The following RAMACL variants were observed in gnomAD, a reference collection of about 807,000 sequenced individuals.
RAMACL encodes the protein RNA guanine-N7 methyltransferase-activating subunit-like protein.
RAMACL carries 9 observed loss-of-function variants against 13.4 expected under a neutral mutation model. The observed-to-expected ratio is 0.67, with a 90% CI of 0.41 to 1.17. The LOEUF (loss-of-function observed/expected upper bound fraction) is 1.17, where lower values mean the gene tolerates loss of function less well. RAMACL is among the 50% of genes most tolerant of loss of function. The pLI, the probability that RAMACL is intolerant of heterozygous loss-of-function variation, is 0.01. For synonymous variants in RAMACL, 39 were observed against 49.3 expected (o/e 0.79, Z 0.88); for missense variants, 124 against 141.6 (o/e 0.88, Z 0.63).
chr6:166,583,409 T>C (rs531628743), downstream of RAMACL, among the ~76,000 whole-genome samples: 9 of 152,296 alleles, frequency 5.9e-5, no homozygotes, highest in East Asian at 1.7e-3. Flanking sequence ...GGTGATTAAA[T>C]TGTTGAGCAA....
chr6:166,586,364 T>G (rs2128519109), exon 1 of RAMACL: 2 of 1,599,588 alleles, frequency 1.3e-6, no homozygotes, highest in East Asian at 4.5e-5. Flanking sequence ...CCTCAACAAT[T>G]GGAGGAGACT....
chr6:166,586,065 A>G, exon 1 of RAMACL: 1 of 969,336 alleles, frequency 1.0e-6, no homozygotes, highest in East Asian at 2.7e-5. Flanking sequence ...AAGACACCCA[A>G]ACTTTTCTCA....
In RAMACL at chr6:166,586,300, C is replaced by G; in HGVS notation, c.178G>C (p.Asp60His). 7 of 1,598,818 alleles carry G rather than the reference C, an allele frequency of 4.4e-6. No individual in the cohort carries two copies. In the South Asian group the frequency reaches 7.7e-5, roughly 18 times the overall value. Residue 60 changes from aspartate (D) to histidine (H), a missense_variant, in exon 1 of 1, where the codon GAC becomes CAC. Physicochemically the swap from Asp to His is moderately conservative, Grantham distance 81. Transcript: ENST00000444122. ...TCCCTGCCTCTGAACTGTCTGTTGT[C>G]TTGCAACCGATTGCCTCTGTTTCTT...
exon 1 of RAMACL, chr6:166,586,208 G>C: frequency 6.3e-7 from 1 of 1,589,460 alleles, no homozygotes; most frequent in East Asian, 2.2e-5. Context: ...GTTGCGGGTA[G>C]TTGTTACCCC....
At chr6:166,586,197 T>C (rs1785164750) in exon 1 of RAMACL, 1 of 1,586,514 alleles carries the variant, frequency 6.3e-7, no homozygotes, top group South Asian at 1.1e-5. Context: ...TTCTTGTCTG[T>C]GTTGCGGGTA....
At chr6:166,585,436 C>G (rs111527129), downstream of RAMACL, among the ~76,000 whole-genome samples, 2,953 of 150,528 alleles carry the variant, frequency 0.02, 102 homozygotes, top group South Asian at 0.11. Context: ...TAATTGTGTG[C>G]AATTGTCCAG....
At chr6:166,583,133 C>T (rs1276689776), downstream of RAMACL, among the ~76,000 whole-genome samples, 1 of 152,188 alleles carries the variant, frequency 6.6e-6, no homozygotes, top group Non-Finnish European at 1.5e-5. Flanking sequence ...TACTCGCATT[C>T]GCATACTTTT....
downstream of RAMACL, among the ~76,000 whole-genome samples, chr6:166,583,367 C>T (rs1015624555): frequency 2.6e-5 from 4 of 152,176 alleles, no homozygotes; most frequent in African/African-American, 9.7e-5. Flanking sequence ...TCTGCGGAAA[C>T]GGCTCCCTCC....
At chr6:166,585,190 C>T (rs1477579790), downstream of RAMACL, among the ~76,000 whole-genome samples, 13 of 152,230 alleles carry the variant, frequency 8.5e-5, no homozygotes. Context: ...AAAGATGCAG[C>T]TCTGGCTACG....
chr6:166,583,320 G>T (rs189384253), downstream of RAMACL, among the ~76,000 whole-genome samples: 7 of 152,276 alleles, frequency 4.6e-5, no homozygotes, highest in African/African-American at 1.4e-4. Context: ...CAGAGATCAC[G>T]GCCTTCTTGG....
At chr6:166,584,011 G>A (rs764946360), downstream of RAMACL, among the ~76,000 whole-genome samples, 21 of 152,238 alleles carry the variant, frequency 1.4e-4, no homozygotes, top group African/African-American at 4.3e-4. Flanking sequence ...GGTAGGCCAG[G>A]TGTGCAACGA....
downstream of RAMACL, among the ~76,000 whole-genome samples, chr6:166,585,171 T>C (rs574867086): frequency 6.6e-6 from 1 of 152,264 alleles, no homozygotes; most frequent in East Asian, 1.9e-4. Flanking sequence ...TGCCCTGAAA[T>C]ACATGAAAAA....
chr6:166,583,292 A>G (rs1440622982), downstream of RAMACL, among the ~76,000 whole-genome samples: 4 of 152,184 alleles, frequency 2.6e-5, no homozygotes, highest in African/African-American at 9.6e-5. Context: ...AGCACTCTGC[A>G]CCCTGTAGGA....
downstream of RAMACL, among the ~76,000 whole-genome samples, chr6:166,583,322 C>A (rs1785076178): frequency 6.6e-6 from 1 of 152,166 alleles, no homozygotes; most frequent in Non-Finnish European, 1.5e-5. Flanking sequence ...GAGATCACGG[C>A]CTTCTTGGGG....
At chr6:166,584,713 C>T (rs181787724), downstream of RAMACL, among the ~76,000 whole-genome samples, 6 of 152,270 alleles carry the variant, frequency 3.9e-5, no homozygotes, top group East Asian at 9.6e-4. Context: ...AAATTTTTAA[C>T]GGAAACAAAG....
chr6:166,584,935 C>T (rs745751117), downstream of RAMACL, among the ~76,000 whole-genome samples: 2 of 152,172 alleles, frequency 1.3e-5, no homozygotes, highest in Admixed American at 1.3e-4. Context: ...TTTAAGATCC[C>T]GAGGGGGTGG....
downstream of RAMACL, among the ~76,000 whole-genome samples, chr6:166,583,765 G>A (rs577519885): frequency 2.0e-5 from 3 of 152,236 alleles, no homozygotes; most frequent in African/African-American, 7.2e-5. Context: ...AGTCCAGGAG[G>A]CATCACGCCA....
chr6:166,586,383 C>T (rs893837305), exon 1 of RAMACL: 132 of 1,599,596 alleles, frequency 8.3e-5, no homozygotes, highest in Middle Eastern at 3.3e-4. Context: ...CTCAGGAGGG[C>T]GTTTCAGGTA....
downstream of RAMACL, among the ~76,000 whole-genome samples, chr6:166,585,502 T>C (rs1296835109): frequency 3.6e-5 from 5 of 137,056 alleles, no homozygotes; most frequent in Admixed American, 6.8e-5. Flanking sequence ...ACAAGTCTTT[T>C]TTTTTTTTTT....
Sources: gnomAD v4.1 joint callset for allele counts (sites outside exome capture counted in the v4.1 genomes callset) on GRCh38, gnomAD v4.1.1 for gene constraint, MANE v1.5 for transcripts, NCBI Gene and HGNC (gene_info 2026-07-23, HGNC 2026-07-21) for gene names.